TTC3: variants seen among roughly 807,000 people sequenced by gnomAD.
TTC3 encodes the protein E3 ubiquitin-protein ligase TTC3.
A neutral mutation model predicts 249.6 loss-of-function variants in TTC3; 180 were observed. The observed-to-expected ratio is 0.72, with a 90% CI of 0.64 to 0.82. The LOEUF is 0.82. TTC3 is among the 40% of genes least tolerant of loss of function. The pLI, the probability that TTC3 is intolerant of heterozygous loss-of-function variation, is 0.00. For missense variants in TTC3, 2,061 were observed against 2,398.4 expected (o/e 0.86, Z 2.94); for synonymous variants, 717 against 805.0 (o/e 0.89, Z 1.85).
intron 11 of TTC3, among the ~76,000 whole-genome samples, chr21:37,114,845 A>G (rs192302595): frequency 0.028 from 4,199 of 151,414 alleles, 76 homozygotes; most frequent in Middle Eastern, 0.045. Flanking sequence ...TGGAATACTA[A>G]GCAGCCATAA....
chr21:37,193,488 A>G (rs567041326), intron 41 of TTC3, among the ~76,000 whole-genome samples: 60 of 152,206 alleles, frequency 3.9e-4, no homozygotes, highest in Non-Finnish European at 6.8e-4. Context: ...ACTAAAGGGC[A>G]CTTATCATTT....
intron 39 of TTC3, 174 bp downstream of exon 39, chr21:37,188,769 C>G (rs2083611736): frequency 2.3e-6 from 1 of 442,738 alleles, no homozygotes; most frequent in Non-Finnish European, 4.0e-6. Flanking sequence ...AAAATCATTC[C>G]TAATTCTAAA....
In TTC3 at chr21:37,160,887, G is replaced by A. The variant is rs1342005457; in HGVS notation, c.3096+29G>A. The A allele has an allele frequency of 1.9e-6, 3 of 1,599,782 alleles. No homozygotes were observed. In the African/African-American group the frequency reaches 4.0e-5, roughly 22 times the overall value. On this transcript the variant is annotated intron_variant, in intron 30 of 45. Coordinates refer to ENST00000355666, the Ensembl canonical transcript of TTC3. ...TGGAGTATTTTCTGTATTAATTCTTGTCTAAACTCTCCAAAATAGTTAGTT... is the reference window on the plus strand; with the variant it reads ...TGGAGTATTTTCTGTATTAATTCTTATCTAAACTCTCCAAAATAGTTAGTT...
chr21:37,077,329 A>G lies in TTC3; in HGVS notation c.-12+3965A>G, dbSNP rs138483291. On this transcript the variant is annotated intron_variant, in intron 1 of 45. Coordinates refer to ENST00000355666, the Ensembl canonical transcript of TTC3. ...ACTTTTGGTGGTTTGCGAGCAAAAA[A>G]AAAAGGTTGAAATACCACCATGTTA... 2.7e-3 allele frequency among the ~76,000 whole-genome samples: 410 copies of G among 152,322 alleles called. 1 individual carries two copies. Among genetic ancestry groups the G allele is most frequent in the African/African-American group, 9.3e-3 (387 of 41,578 alleles).
chr21:37,087,851 T>A, exon 3 of TTC3: 6 of 1,597,622 alleles, frequency 3.8e-6, no homozygotes, highest in Non-Finnish European at 4.3e-6. Flanking sequence ...ATATAAAGAT[T>A]ATATCCAAAG....
chr21:37,076,694 A>ATTTTTTTTTTTTTTTTTT, intron 1 of TTC3, among the ~76,000 whole-genome samples: 1 of 95,006 alleles, frequency 1.1e-5, no homozygotes, highest in Admixed American at 1.3e-4. Flanking sequence ...AAACAAAGGG[A>ATTTTTTTTTTTTTTTTTT]TTTTTTTTTT....
At chr21:37,190,208 C>T (rs1170956472) in intron 39 of TTC3, among the ~76,000 whole-genome samples, 2 of 124,612 alleles carry the variant, frequency 1.6e-5, no homozygotes, top group Non-Finnish European at 3.2e-5. Flanking sequence ...GTGGCGTGAT[C>T]TCGGCTCACT....
intron 26 of TTC3, among the ~76,000 whole-genome samples, chr21:37,152,326 A>T (rs917868763): frequency 3.3e-5 from 5 of 151,404 alleles, no homozygotes; most frequent in African/African-American, 1.2e-4. Context: ...GTAGTTGATG[A>T]GGCTGGGTTA....
chr21:37,073,311 C>T, exon 1 of TTC3: 2 of 483,798 alleles, frequency 4.1e-6, no homozygotes, highest in Non-Finnish European at 5.3e-6. Context: ...GCGGCGGCGG[C>T]GGCGGCTGCT....
At chr21:37,115,370 G>A (rs542364886) in intron 11 of TTC3, among the ~76,000 whole-genome samples, 1 of 152,192 alleles carries the variant, frequency 6.6e-6, no homozygotes, top group Non-Finnish European at 1.5e-5. Flanking sequence ...AAATTAAAGA[G>A]GCTGATAGTC....
At chr21:37,106,130 CTG>C (rs1185334115) in intron 10 of TTC3, among the ~76,000 whole-genome samples, 1 of 152,120 alleles carries the variant, frequency 6.6e-6, no homozygotes, top group African/African-American at 2.4e-5. Flanking sequence ...TGGTATACCG[CTG>C]TGATTATAAT....
chr21:37,128,079 G>A (rs187313707), intron 15 of TTC3, among the ~76,000 whole-genome samples: 2 of 152,300 alleles, frequency 1.3e-5, no homozygotes, highest in East Asian at 3.9e-4. Flanking sequence ...TTTGTCCAAG[G>A]TCACAGAATG....
At chr21:37,189,179 C>T (rs987906431) in intron 39 of TTC3, among the ~76,000 whole-genome samples, 3 of 152,128 alleles carry the variant, frequency 2.0e-5, no homozygotes, top group Non-Finnish European at 4.4e-5. Context: ...TGACAGCATG[C>T]GAGAATGTTT....
chr21:37,154,514 T>C (rs2079804365), intron 27 of TTC3, among the ~76,000 whole-genome samples: 1 of 152,180 alleles, frequency 6.6e-6, no homozygotes, highest in South Asian at 2.1e-4. Context: ...ATAAAGTTAA[T>C]GCTTGCTTTA....
intron 26 of TTC3, among the ~76,000 whole-genome samples, chr21:37,152,580 GT>G (rs924988035): frequency 2.0e-5 from 3 of 151,920 alleles, no homozygotes; most frequent in African/African-American, 7.3e-5. Flanking sequence ...TAGAGATGGG[GT>G]TTCACCGTGT....
At chr21:37,118,994 C>G (rs747307992) in intron 11 of TTC3, among the ~76,000 whole-genome samples, 33 of 152,160 alleles carry the variant, frequency 2.2e-4, no homozygotes, top group Non-Finnish European at 2.5e-4. Flanking sequence ...TTTCAATGTC[C>G]TTGTCTACTA....
At chr21:37,131,862 C>CTTT (rs2077496335) in intron 16 of TTC3, among the ~76,000 whole-genome samples, 1 of 152,176 alleles carries the variant, frequency 6.6e-6, no homozygotes, top group Admixed American at 6.5e-5. Context: ...TTTCAGAAAA[C>CTTT]TCCACATCGA....
intron 35 of TTC3, among the ~76,000 whole-genome samples, chr21:37,180,308 G>A (rs1005976469): frequency 1.3e-5 from 2 of 151,794 alleles, no homozygotes; most frequent in Non-Finnish European, 2.9e-5. Flanking sequence ...TCATGGTTTT[G>A]TATTGTCATT....
intron 20 of TTC3, 38 bp from the exon 21 acceptor site, chr21:37,144,487 T>C: frequency 1.3e-6 from 2 of 1,593,338 alleles, no homozygotes; most frequent in Non-Finnish European, 1.7e-6. Context: ...AAATACCATT[T>C]TACATCTTTA....
Sources: allele counts gnomAD v4.1 joint callset (sites outside exome capture counted in the v4.1 genomes callset), GRCh38; gene constraint gnomAD v4.1.1; transcripts MANE v1.5; gene names NCBI Gene and HGNC (gene_info 2026-07-23, HGNC 2026-07-21).